Variants in SOS2 observed in about 807,000 individuals in gnomAD.
The protein encoded by SOS2 is son of sevenless homolog 2.
A neutral mutation model predicts 148.2 loss-of-function variants in SOS2; 65 were observed. The ratio of observed to expected loss-of-function variants is 0.44; its 90% CI spans 0.36 to 0.54. SOS2 has a LOEUF of 0.54. Ranked by LOEUF, SOS2 falls within the 20% of genes least tolerant of loss-of-function variation. SOS2 has a pLI of 0.00. For missense variants in SOS2, 1,341 were observed against 1,590.2 expected (o/e 0.84, Z 2.67); for synonymous variants, 539 against 537.1 (o/e 1.00, Z -0.05).
In SOS2 at chr14:50,231,357, G is replaced by A. The variant is rs1455422540; in HGVS notation, c.-74C>T. ...CGGTGGCCTGACAGGCAGGGCGCGG[G>A]CCGCCTCGCCTCGCCGGCGGCCGCC... On this transcript the variant is annotated 5_prime_UTR_variant, in exon 1 of 23. Coordinates refer to ENST00000216373, the MANE Select transcript of SOS2 (RefSeq NM_006939.4). 3.5e-5 allele frequency: 21 copies of A among 607,068 alleles called. No individual in the cohort carries two copies. The highest frequency in any genetic ancestry group is 4.5e-5 in the Non-Finnish European group (21 of 463,734). The allele number at this position is 607,068 out of a possible 1,614,324, so 37.6% of individuals were successfully genotyped here.
intron 1 of SOS2, among the ~76,000 whole-genome samples, chr14:50,213,803 G>A (rs1387645335): frequency 6.6e-6 from 1 of 151,626 alleles, no homozygotes; most frequent in Non-Finnish European, 1.5e-5. Flanking sequence ...GTGTGTGGTT[G>A]GAGGGGAATG....
chr14:50,164,267 T>C (rs4898650), intron 8 of SOS2, among the ~76,000 whole-genome samples: 137,632 of 151,956 alleles, frequency 0.91, 62,565 homozygotes, highest in African/African-American at 0.98. Context: ...CGGAGAAACC[T>C]TGTCTCTACA....
At chr14:50,119,295 T>C (rs772904821) in intron 22 of SOS2, among the ~76,000 whole-genome samples, 1 of 152,152 alleles carries the variant, frequency 6.6e-6, no homozygotes, top group African/African-American at 2.4e-5. Context: ...TCAGCATCAG[T>C]AGGGAACTTG....
Position 50,118,089 on chromosome 14 carries a change from A to T in SOS2, c.*255T>A. On this transcript the variant is annotated 3_prime_UTR_variant, in exon 23 of 23. Transcript: ENST00000216373. ...TATTTTTGCAGAGTTTACAGTGCAA[A>T]TATAAATTCTTTATACTGGCCTTTT... 2.4e-6 allele frequency: 1 copy of T among 413,090 alleles called. No individual in the cohort carries two copies. Among genetic ancestry groups the T allele is most frequent in the Non-Finnish European group, 4.3e-6 (1 of 232,292 alleles). 25.6% of individuals were successfully genotyped at this position (413,090 alleles called of 1,614,324 possible). A position where few individuals can be genotyped will look rare whatever the true frequency, so the allele number is the denominator to read the frequency against.
intron 5 of SOS2, 137 bp from the exon 6 acceptor site, chr14:50,182,743 TGCTGCTGCTGTAC>T (rs1014869095): frequency 1.5e-6 from 1 of 649,968 alleles, no homozygotes; most frequent in African/African-American, 1.8e-5. Flanking sequence ...ACAGTACTTT[TGCTGCTGCTGTAC>T]GCTGCCGCTT....
Position 50,201,261 on chromosome 14 carries a change from G to A in SOS2, c.214-177C>T, listed in dbSNP as rs139762004. Among the ~76,000 whole-genome samples the A allele has an allele frequency of 0.01, 1,564 of 152,004 alleles. 14 individuals are homozygous for A. Among genetic ancestry groups the A allele is most frequent in the Non-Finnish European group, 0.016 (1,098 of 67,984 alleles). ...TTAAAAAAAAGGTCAGGCTGGGCGC[G>A]GTGGCTCACGTCTGTAATCCCAACA... On this transcript the variant is annotated intron_variant, in intron 2 of 22. Transcript: ENST00000216373.
At chr14:50,198,612 G>A (rs1373945032) in intron 4 of SOS2, among the ~76,000 whole-genome samples, 1 of 152,160 alleles carries the variant, frequency 6.6e-6, no homozygotes, top group East Asian at 1.9e-4. Flanking sequence ...TAATTCTGAT[G>A]TGCAGTCAAG....
chr14:50,133,084 G>A (rs185632953), intron 19 of SOS2, among the ~76,000 whole-genome samples: 54 of 152,138 alleles, frequency 3.5e-4, no homozygotes, highest in Admixed American at 8.5e-4. Flanking sequence ...GTTTTTTAGG[G>A]ATGGACAAAA....
intron 4 of SOS2, among the ~76,000 whole-genome samples, chr14:50,192,797 G>A (rs1483073028): frequency 6.6e-6 from 1 of 152,128 alleles, no homozygotes; most frequent in African/African-American, 2.4e-5. Flanking sequence ...CCAGGAGGCA[G>A]AGGTTGCAGT....
chr14:50,162,906 T>G (rs1885056676), intron 8 of SOS2, among the ~76,000 whole-genome samples: 1 of 150,980 alleles, frequency 6.6e-6, no homozygotes, highest in East Asian at 1.9e-4. Context: ...GATTTTTTTT[T>G]TTTTTTTTGA....
intron 2 of SOS2, among the ~76,000 whole-genome samples, chr14:50,202,992 C>CAAAAAT (rs903639241): frequency 2.6e-5 from 4 of 151,736 alleles, no homozygotes; most frequent in South Asian, 2.1e-4. Flanking sequence ...CCAGTCTTTA[C>CAAAAAT]AAAAATAAAA....
At chr14:50,159,275 T>G (rs1304554585) in intron 10 of SOS2, among the ~76,000 whole-genome samples, 156 bp downstream of exon 10, 1 of 152,188 alleles carries the variant, frequency 6.6e-6, no homozygotes, top group Non-Finnish European at 1.5e-5. Flanking sequence ...TTTTAGACCT[T>G]TAATTCCTTC....
intron 1 of SOS2, among the ~76,000 whole-genome samples, chr14:50,212,018 T>C (rs941759684): frequency 6.6e-6 from 1 of 152,050 alleles, no homozygotes; most frequent in Non-Finnish European, 1.5e-5. Flanking sequence ...GGATGCACCC[T>C]GAAAAAATGT....
chr14:50,140,533 T>C (rs900528018), intron 16 of SOS2, among the ~76,000 whole-genome samples: 2 of 152,214 alleles, frequency 1.3e-5, no homozygotes, highest in African/African-American at 4.8e-5. Flanking sequence ...GATCTTCTTA[T>C]TGAAAATTAA....
intron 21 of SOS2, among the ~76,000 whole-genome samples, chr14:50,125,627 A>G (rs2139493298): frequency 6.6e-6 from 1 of 152,310 alleles, no homozygotes; most frequent in Middle Eastern, 3.4e-3. Context: ...AGTAATACTG[A>G]CAAGCAGCAG....
chr14:50,152,528 T>C (rs2139602376), intron 13 of SOS2, among the ~76,000 whole-genome samples: 1 of 152,358 alleles, frequency 6.6e-6, no homozygotes, highest in South Asian at 2.1e-4. Context: ...AACTTTCGAC[T>C]TCTTTAAAAG....
Position 50,153,118 on chromosome 14 carries a change from C to G in SOS2, c.2113G>C (p.Asp705His), listed in dbSNP as rs1057518079. 1.2e-6 allele frequency: 2 copies of G among 1,606,614 alleles called. No individual in the cohort carries two copies. Among genetic ancestry groups the G allele is most frequent in the Admixed American group, 1.7e-5 (1 of 59,760 alleles). The change falls in exon 13 of 23, where the codon GAC becomes CAC. Residue 705 changes from aspartate to histidine, a missense_variant. Coordinates refer to ENST00000216373, the MANE Select transcript of SOS2 (RefSeq NM_006939.4). ...TCTAGTCTTTCAAGCAATTCCAAGT[C>G]TCTTTCAAAGTCATAAAAATGATGT... is the stretch of plus-strand genomic sequence containing the variant. ...VEHHFYDFER[D>H]LELLERLESF...
intron 1 of SOS2, among the ~76,000 whole-genome samples, chr14:50,227,604 T>C (rs1887418640): frequency 6.6e-6 from 1 of 152,070 alleles, no homozygotes; most frequent in Non-Finnish European, 1.5e-5. Flanking sequence ...TTTCTGTATT[T>C]TTAGTAGAGA....
chr14:50,230,111 T>C (rs1025043833), intron 1 of SOS2, among the ~76,000 whole-genome samples: 1 of 152,212 alleles, frequency 6.6e-6, no homozygotes, highest in African/African-American at 2.4e-5. Context: ...ATTATGAAAA[T>C]AAGGGAAAAT....
Sources: gnomAD v4.1 joint callset for allele counts (sites outside exome capture counted in the v4.1 genomes callset) on GRCh38, gnomAD v4.1.1 for gene constraint, MANE v1.5 for transcripts, NCBI Gene and HGNC (gene_info 2026-07-23, HGNC 2026-07-21) for gene names.